The following MYPN variants were observed in gnomAD, a reference collection of about 807,000 sequenced individuals.
MYPN encodes sarcomeric protein myopalladin, 145 kDa (MYOP).
A neutral mutation model predicts 129.4 loss-of-function variants in MYPN; 63 were observed. The observed-to-expected ratio is 0.49, with a 90% CI of 0.40 to 0.60. MYPN has a LOEUF of 0.60. Ranked by LOEUF, MYPN falls within the 20% of genes least tolerant of loss-of-function variation. The pLI, the probability that MYPN is intolerant of heterozygous loss-of-function variation, is 0.00. For synonymous variants in MYPN, 629 were observed against 600.9 expected, an observed-to-expected ratio of 1.05 and a Z score of -0.68; for missense variants, 1,596 against 1,635.4, an observed-to-expected ratio of 0.98 and a Z score of 0.42.
At chr10:68,161,596 A>G (rs2042975980) in intron 7 of MYPN, 133 bp from the exon 8 acceptor site, 1 of 693,452 alleles carries the variant, frequency 1.4e-6, no homozygotes, top group African/African-American at 1.8e-5. Context: ...ATCTTACTTA[A>G]TATTGTCACA....
rs2043466353 is a variant in MYPN at position 68,189,001 on chromosome 10, C to T, written c.2800C>T (p.His934Tyr). 6.2e-7 allele frequency: 1 copy of T among 1,613,988 alleles called. No individual in the cohort carries two copies. Among genetic ancestry groups the T allele is most frequent in the Admixed American group, 1.7e-5 (1 of 59,982 alleles). The change falls in exon 13 of 20, where the codon CAT (histidine) becomes TAT (tyrosine). Residue 934 changes from histidine (H) to tyrosine (Y), a missense_variant. By Grantham distance (83) the His-to-Tyr change is moderately conservative. Transcript: ENST00000358913. ...PVDESDDEIQ[H>Y]DEIPTGKCIA... Reference sequence around the variant, plus strand: ...TGATGAATCAGATGATGAAATTCAACATGATGAGATCCCCACGGGCAAGTG... The same window carrying T: ...TGATGAATCAGATGATGAAATTCAATATGATGAGATCCCCACGGGCAAGTG...
upstream of MYPN, chr10:68,106,514 C>A: frequency 1.6e-6 from 1 of 616,272 alleles, no homozygotes; most frequent in South Asian, 1.7e-5. Flanking sequence ...TACATACTTT[C>A]TCTGTTTTTC....
Position 68,121,571 on chromosome 10 carries a change from G to C in MYPN, c.133G>C (p.Gly45Arg), listed in dbSNP as rs1297861595. The change falls in exon 2 of 20, where the codon GGC (glycine) becomes CGC (arginine). Residue 45 changes from glycine (G) to arginine (R), a missense_variant. Gly to Arg is a moderately radical substitution (Grantham distance 125). Transcript: ENST00000358913. ...GCCCTCCTCCAACCCTTGCCATTTC[G>C]GCAGTCCTTCTGGGGCCGCTGAAGG... The part of the protein sequence containing the change: ...AEPSSNPCHF[G>R]SPSGAAEGGG... The C allele has an allele frequency of 1.9e-6, 3 of 1,614,154 alleles. No individual in the cohort carries two copies. The highest frequency in any genetic ancestry group is 1.7e-4 in the Middle Eastern group (1 of 6,060).
chr10:68,135,496 T>A (rs2042472827), intron 2 of MYPN: 1 of 984,896 alleles, frequency 1.0e-6, no homozygotes, highest in South Asian at 4.7e-5. Flanking sequence ...CTCTGATGCT[T>A]GGAGAGAGCT....
intron 1 of MYPN, among the ~76,000 whole-genome samples, chr10:68,112,155 G>A (rs1394743057): frequency 6.6e-6 from 1 of 152,116 alleles, no homozygotes; most frequent in African/African-American, 2.4e-5. Flanking sequence ...TCACTTTTGT[G>A]ACAACCACCA....
intron 18 of MYPN, among the ~76,000 whole-genome samples, chr10:68,205,120 G>A (rs951738087): frequency 5.3e-5 from 8 of 152,160 alleles, no homozygotes; most frequent in South Asian, 2.1e-4. Flanking sequence ...AAGTAATCTC[G>A]TCTTAGTCGT....
At chr10:68,205,599 G>A (rs1177003638) in intron 18 of MYPN, among the ~76,000 whole-genome samples, 1 of 151,818 alleles carries the variant, frequency 6.6e-6, no homozygotes, top group Non-Finnish European at 1.5e-5. Context: ...AGGCACAAGA[G>A]TCTCTTGAAC....
intron 2 of MYPN, among the ~76,000 whole-genome samples, chr10:68,138,572 T>C (rs901828589): frequency 7.9e-5 from 12 of 152,176 alleles, no homozygotes; most frequent in Admixed American, 7.2e-4. Context: ...GTCAATACAA[T>C]GAAAAGGCAA....
Position 68,121,570 on chromosome 10 carries a change from C to T in MYPN, c.132C>T (p.Phe44=). The part of the protein sequence containing the change: ...RAEPSSNPCH[F]GSPSGAAEGG... ...AGCCCTCCTCCAACCCTTGCCATTT[C>T]GGCAGTCCTTCTGGGGCCGCTGAAG... is the stretch of plus-strand genomic sequence containing the variant. The change falls in exon 2 of 20, where the codon TTC becomes TTT. Residue 44 remains phenylalanine, a synonymous_variant. Coordinates refer to ENST00000358913, the MANE Select transcript of MYPN (RefSeq NM_032578.4). The T allele has an allele frequency of 1.9e-6, 3 of 1,614,192 alleles. No individual in the cohort carries two copies. Among genetic ancestry groups the T allele is most frequent in the Non-Finnish European group, 2.5e-6 (3 of 1,180,030 alleles).
intron 6 of MYPN, among the ~76,000 whole-genome samples, chr10:68,152,930 C>A (rs982459540): frequency 6.6e-6 from 1 of 151,632 alleles, no homozygotes; most frequent in African/African-American, 2.4e-5. Context: ...CCACCACACC[C>A]GGCTAACATT....
At chr10:68,145,880 C>A (rs1296913569) in intron 4 of MYPN, among the ~76,000 whole-genome samples, 1 of 152,136 alleles carries the variant, frequency 6.6e-6, no homozygotes, top group East Asian at 1.9e-4. Context: ...TCCTCTTTTA[C>A]CCCCTTCCTA....
chr10:68,194,227 T>C (rs1441657764), intron 13 of MYPN, 136 bp from the exon 14 acceptor site: 17 of 822,544 alleles, frequency 2.1e-5, no homozygotes, highest in Non-Finnish European at 3.1e-5. Context: ...ATATGTTTTA[T>C]AACTTTTTTT....
intron 12 of MYPN, among the ~76,000 whole-genome samples, chr10:68,182,600 G>A (rs993967715): frequency 1.3e-5 from 2 of 150,828 alleles, no homozygotes; most frequent in African/African-American, 2.4e-5. Flanking sequence ...TGTGCCTCCC[G>A]GGTTCAAGTG....
chr10:68,092,595 T>G (rs936852697), intron 1 of MYPN, among the ~76,000 whole-genome samples: 2 of 152,222 alleles, frequency 1.3e-5, no homozygotes, highest in Admixed American at 6.5e-5. Context: ...TAGTTGTTCT[T>G]AAGGATCGTC....
intron 2 of MYPN, among the ~76,000 whole-genome samples, chr10:68,142,400 T>C (rs893857560): frequency 2.0e-5 from 3 of 152,186 alleles, no homozygotes; most frequent in Non-Finnish European, 4.4e-5. Context: ...GAAACATATT[T>C]AACGTGGGTT....
At chr10:68,182,771 G>C (rs2043358673) in intron 12 of MYPN, among the ~76,000 whole-genome samples, 1 of 152,088 alleles carries the variant, frequency 6.6e-6, no homozygotes, top group South Asian at 2.1e-4. Flanking sequence ...GCCACCCAAA[G>C]TGCTGGGATT....
intron 11 of MYPN, among the ~76,000 whole-genome samples, chr10:68,174,981 C>CA (rs1488770299): frequency 1.3e-5 from 2 of 151,748 alleles, no homozygotes; most frequent in African/African-American, 2.4e-5. Flanking sequence ...AGGAGAAGCA[C>CA]AAAAAATTAG....
chr10:68,197,230 C>A, intron 15 of MYPN, 122 bp from the exon 16 acceptor site: 1 of 984,008 alleles, frequency 1.0e-6, no homozygotes, highest in East Asian at 2.8e-5. Context: ...TCCAGCCTCC[C>A]CTTTCCCCCT....
chr10:68,198,993 G>A lies in MYPN; in HGVS notation c.3286-375G>A, dbSNP rs531235202. On this transcript the variant is annotated intron_variant, in intron 16 of 19. Coordinates refer to ENST00000358913, the MANE Select transcript of MYPN (RefSeq NM_032578.4). ...TGTATCCTGTGTTTTTCTTGTTTTC[G>A]TTTTTTTTTTAGAAAAAAAATCTGG... 2.7e-5 allele frequency among the ~76,000 whole-genome samples: 4 copies of A among 147,014 alleles called. No homozygotes were observed. The East Asian group carries it at 6.0e-4, about 22-fold the overall frequency.
Sources: allele counts gnomAD v4.1 joint callset (sites outside exome capture counted in the v4.1 genomes callset), GRCh38; gene constraint gnomAD v4.1.1; transcripts MANE v1.5; gene names NCBI Gene and HGNC (gene_info 2026-07-23, HGNC 2026-07-21).